Variants in ZER1 observed in about 807,000 individuals in gnomAD.
The protein encoded by ZER1 is protein zer-1 homolog.
A neutral mutation model predicts 78.8 loss-of-function variants in ZER1; 11 were observed. The ratio of observed to expected loss-of-function variants is 0.14; its 90% CI spans 0.09 to 0.23. The LOEUF (loss-of-function observed/expected upper bound fraction) is 0.23, where lower values mean the gene tolerates loss of function less well. Among genes scored for constraint, ZER1 ranks in the 10% least tolerant of loss-of-function variants. The probability of loss-of-function intolerance (pLI) is 1.00; values close to 1 mark genes in which losing one functional copy is unlikely to be tolerated. For missense variants in ZER1, 588 were observed against 996.9 expected, an observed-to-expected ratio of 0.59 and a Z score of 5.52; for synonymous variants, 400 against 407.0, an observed-to-expected ratio of 0.98 and a Z score of 0.21.
At chr9:128,737,983 G>T (rs1863144597) in intron 13 of ZER1, among the ~76,000 whole-genome samples, 1 of 152,144 alleles carries the variant, frequency 6.6e-6, no homozygotes, top group South Asian at 2.1e-4. Flanking sequence ...GATTACAGGT[G>T]TGAGCCACTG....
intron 1 of ZER1, among the ~76,000 whole-genome samples, chr9:128,758,031 T>C (rs917239075): frequency 6.6e-6 from 1 of 151,630 alleles, no homozygotes; most frequent in Non-Finnish European, 1.5e-5. Context: ...ATTCATCTAC[T>C]AAATACTGCA....
intron 5 of ZER1, among the ~76,000 whole-genome samples, chr9:128,752,406 G>C (rs2092165781): frequency 6.6e-6 from 1 of 152,020 alleles, no homozygotes; most frequent in African/African-American, 2.4e-5. Flanking sequence ...CTCACTGCAG[G>C]CTCCGCCTCC....
chr9:128,740,446 G>A lies in ZER1; in HGVS notation c.1853+326C>T, dbSNP rs1863250668. Among the ~76,000 whole-genome samples, 1 of 152,040 alleles carries A rather than the reference G, an allele frequency of 6.6e-6. No homozygotes were observed. Among genetic ancestry groups the A allele is most frequent in the Non-Finnish European group, 1.5e-5 (1 of 68,012 alleles). On this transcript the variant is annotated intron_variant, in intron 12 of 15. Transcript: ENST00000291900. The surrounding 1 kb of genome is among the most constrained non-coding windows in gnomAD (Gnocchi z 4.4). Reference sequence around the variant, plus strand: ...TACAAAAAAATTAGCTGGGCGTGGTGGCAGGCGCCTGTAGTCTCAGCTACT... The same window carrying A: ...TACAAAAAAATTAGCTGGGCGTGGTAGCAGGCGCCTGTAGTCTCAGCTACT...
intron 1 of ZER1, among the ~76,000 whole-genome samples, chr9:128,767,522 G>T (rs1864254074): frequency 6.6e-6 from 1 of 152,244 alleles, no homozygotes; most frequent in South Asian, 2.1e-4. Context: ...CTGGATTACA[G>T]GTGTGAGCCA....
chr9:128,762,962 T>A (rs1164800191), intron 1 of ZER1, among the ~76,000 whole-genome samples: 2 of 152,188 alleles, frequency 1.3e-5, no homozygotes, highest in African/African-American at 2.4e-5. Flanking sequence ...CCACCGGAAT[T>A]ACAGCCAGCT....
chr9:128,733,488 C>T lies in ZER1; in HGVS notation c.2181G>A (p.Met727Ile), dbSNP rs772315313. 1.2e-6 allele frequency: 2 copies of T among 1,613,820 alleles called. No individual in the cohort carries two copies. Among genetic ancestry groups the T allele is most frequent in the Non-Finnish European group, 1.7e-6 (2 of 1,179,942 alleles). ...YCPLLIKEGG[M>I]PLLRDIIKMA... ...TCTTAATTATGTCCCTCAGAAGGGG[C>T]ATCCCCCCTTCTTTGATCAGCAGAG... is the stretch of plus-strand genomic sequence containing the variant. The change falls in exon 15 of 16, where the codon ATG becomes ATA. Residue 727 changes from methionine to isoleucine, a missense_variant. By Grantham distance (10) the Met-to-Ile change is conservative (BLOSUM62 1). Coordinates refer to ENST00000291900, the MANE Select transcript of ZER1 (RefSeq NM_006336.4).
intron 13 of ZER1, among the ~76,000 whole-genome samples, 166 bp downstream of exon 13, chr9:128,739,765 G>A (rs916377842): frequency 2.6e-5 from 4 of 152,110 alleles, no homozygotes; most frequent in Admixed American, 6.6e-5. Flanking sequence ...GTGCCCTTAT[G>A]TATGCTCTGT....
chr9:128,738,058 T>C (rs1310235837), intron 13 of ZER1, among the ~76,000 whole-genome samples: 3 of 147,162 alleles, frequency 2.0e-5, no homozygotes, highest in Admixed American at 1.4e-4. Flanking sequence ...TATTTATTTA[T>C]TTTTGAGACG....
intron 8 of ZER1, among the ~76,000 whole-genome samples, chr9:128,743,029 G>A (rs1863356457): frequency 1.3e-5 from 2 of 152,084 alleles, no homozygotes; most frequent in Admixed American, 6.6e-5. Context: ...TCAGCACCCC[G>A]AAGTCCCCAC....
intron 8 of ZER1, 100 bp downstream of exon 8, chr9:128,750,516 C>T: frequency 2.2e-6 from 3 of 1,386,332 alleles, no homozygotes; most frequent in South Asian, 2.6e-5. Flanking sequence ...GGAGCTGGGA[C>T]AGATGCAGCC....
chr9:128,749,222 G>C (rs1394491767), intron 8 of ZER1, among the ~76,000 whole-genome samples: 1 of 151,806 alleles, frequency 6.6e-6, no homozygotes, highest in African/African-American at 2.4e-5. Context: ...CAGCCACTAG[G>C]GGGGCTGAGG....
chr9:128,733,330 G>A, intron 15 of ZER1, 96 bp downstream of exon 15: 2 of 1,018,462 alleles, frequency 2.0e-6, no homozygotes, highest in Non-Finnish European at 3.0e-6. Context: ...GCTGTCCCTG[G>A]GAATTTCAGC....
intron 1 of ZER1, among the ~76,000 whole-genome samples, chr9:128,758,525 C>A (rs575395454): frequency 1.3e-5 from 2 of 151,976 alleles, no homozygotes; most frequent in African/African-American, 4.8e-5. Flanking sequence ...CTCAAGCGAT[C>A]CTCCCACCTT....
chr9:128,747,293 A>G (rs1195764771), intron 8 of ZER1, among the ~76,000 whole-genome samples: 1 of 151,764 alleles, frequency 6.6e-6, no homozygotes, highest in Non-Finnish European at 1.5e-5. Flanking sequence ...CTAATTAAGT[A>G]TAATTAACAA....
chr9:128,752,986 C>T (rs1863730171), intron 4 of ZER1, 137 bp from the exon 5 acceptor site: 3 of 1,256,144 alleles, frequency 2.4e-6, no homozygotes, highest in South Asian at 3.0e-5. Context: ...TGGGAAGAAA[C>T]CCCAAACAGC....
rs1306463404 is a variant in ZER1 at position 128,734,177 on chromosome 9, A to AAT, written c.2141-651_2141-650dup. Among the ~76,000 whole-genome samples the AAT allele has an allele frequency of 9.5e-5, 5 of 52,722 alleles. 1 individual carries two copies. Among genetic ancestry groups the AAT allele is most frequent in the African/African-American group, 1.6e-4 (3 of 19,082 alleles). The allele number at this position is 52,722 out of a possible 152,430, so 34.6% of individuals were successfully genotyped here. On this transcript the variant is annotated intron_variant, in intron 14 of 15. Coordinates refer to ENST00000291900, the MANE Select transcript of ZER1 (RefSeq NM_006336.4). The stretch of plus-strand genomic sequence containing the variant: ...TATATATATATAAAATCTTAAAAAA[A>AAT]ATATATATATATATATAATAGATAT...
rs1437255695 is a variant in ZER1, at chr9:128,730,617, T to A, written c.*720A>T. 6.5e-6 allele frequency: 1 copy of A among 152,718 alleles called. No individual in the cohort carries two copies. The highest frequency in any genetic ancestry group is 1.5e-5 in the Non-Finnish European group (1 of 68,132). The allele number at this position is 152,718 out of a possible 1,614,324, so 9.5% of individuals were successfully genotyped here. A position where few individuals can be genotyped will look rare whatever the true frequency, so the allele number is the denominator to read the frequency against. On this transcript the variant is annotated 3_prime_UTR_variant, in exon 16 of 16. Transcript: ENST00000291900. ...CTGGGGCTTTCCACAGCCTGGGACC[T>A]GGTGGGAGACTAGGAGGCAGCCTCC...
rs1237227140 is a variant in ZER1 at position 128,733,461 on chromosome 9, C to T, written c.2208G>A (p.Met736Ile). 4 of 1,613,828 alleles carry T rather than the reference C, an allele frequency of 2.5e-6. No homozygotes were observed. Among genetic ancestry groups the T allele is most frequent in the Non-Finnish European group, 3.4e-6 (4 of 1,179,972 alleles). The change falls in exon 15 of 16, where the codon ATG (methionine) becomes ATA (isoleucine). Residue 736 changes from methionine (M) to isoleucine (I), a missense_variant. By Grantham distance (10) the Met-to-Ile change is conservative. Around this residue, in one of 3 missense-constraint regions of ZER1, gnomAD observed 122 missense variants for 173.5 expected, o/e 0.70. Transcript: ENST00000291900. The part of the protein sequence containing the change: ...GMPLLRDIIK[M>I]ATARQETKEM... ...CCTTGGTCTCCTGCCGTGCGGTCGC[C>T]ATCTTAATTATGTCCCTCAGAAGGG...
chr9:128,765,366 G>A lies in ZER1; in HGVS notation c.-95+6215C>T, dbSNP rs150668561. Among the ~76,000 whole-genome samples, 514 of 152,338 alleles carry A rather than the reference G, an allele frequency of 3.4e-3. 8 individuals are homozygous for A. The East Asian group carries it at 0.036, about 11-fold the overall frequency. On this transcript the variant is annotated intron_variant, in intron 1 of 15. Transcript: ENST00000291900. ...GCTGGAATTCCCTTACTCTAGTACT[G>A]CAAGATAGAGATTATTACCCCATTT...
Sources: allele counts gnomAD v4.1 joint callset (sites outside exome capture counted in the v4.1 genomes callset), GRCh38; gene constraint gnomAD v4.1.1; regional missense constraint gnomAD v4.1.1; non-coding constraint Gnocchi (gnomAD v3.1); transcripts MANE v1.5; gene names NCBI Gene and HGNC (gene_info 2026-07-23, HGNC 2026-07-21).